The following GNPTG variants were observed in gnomAD, a reference collection of about 807,000 sequenced individuals.
GNPTG encodes N-acetylglucosamine-1-phosphotransferase subunit gamma.
A neutral mutation model predicts 43.8 loss-of-function variants in GNPTG; 46 were observed. That is an observed-to-expected ratio of 1.05 (90% CI 0.83 to 1.34). The LOEUF (loss-of-function observed/expected upper bound fraction) is 1.34, where lower values mean the gene tolerates loss of function less well. Among genes scored for constraint, GNPTG ranks in the 40% most tolerant of loss-of-function variants. GNPTG has a pLI of 0.00. For synonymous variants in GNPTG, 250 were observed against 172.8 expected (o/e 1.45, Z -3.50); for missense variants, 549 against 411.3 (o/e 1.33, Z -2.90).
rs368478807 is a variant in GNPTG at position 1,352,289 on chromosome 16, A to G, written c.161A>G (p.Asp54Gly). Reference sequence around the variant, plus strand: ...GCCAGTCGCCTCCAGGCCAAGAGGGATCCTTCACCCGTGTCTGGTGAGTGA... The same window carrying G: ...GCCAGTCGCCTCCAGGCCAAGAGGGGTCCTTCACCCGTGTCTGGTGAGTGA... Reference protein sequence around the residue: ...PQASRLQAKRDPSPVSGPVHL... With the variant: ...PQASRLQAKRGPSPVSGPVHL... Residue 54 changes from aspartate (D) to glycine (G), a missense_variant, in exon 3 of 11, where the codon GAT (aspartate) becomes GGT (glycine). Coordinates refer to ENST00000204679, the MANE Select transcript of GNPTG (RefSeq NM_032520.5). 2.7e-5 allele frequency: 42 copies of G among 1,548,232 alleles called. No homozygotes were observed. Among genetic ancestry groups the G allele is most frequent in the Non-Finnish European group, 3.4e-5 (39 of 1,146,786 alleles).
At position 1,363,604 on chromosome 16, in the gene GNPTG, G is replaced by T. The variant is rs1387634898; in HGVS notation, c.*513G>T. Reference sequence around the variant, plus strand: ...ACGCCCCGTGCCCGCCATGGCCACAGGGGGGAGCTGCTGGGCGCGCCTCCA... The same window carrying T: ...ACGCCCCGTGCCCGCCATGGCCACATGGGGGAGCTGCTGGGCGCGCCTCCA... On this transcript the variant is annotated 3_prime_UTR_variant, in exon 11 of 11. Coordinates refer to ENST00000204679, the MANE Select transcript of GNPTG (RefSeq NM_032520.5). 3 of 210,604 alleles carry T rather than the reference G, an allele frequency of 1.4e-5. No homozygotes were observed. Among genetic ancestry groups the T allele is most frequent in the Admixed American group, 5.3e-5 (1 of 18,700 alleles). 13.0% of individuals were successfully genotyped at this position (210,604 alleles called of 1,614,324 possible). A position where few individuals can be genotyped will look rare whatever the true frequency, so the allele number is the denominator to read the frequency against.
At position 1,352,276 on chromosome 16, in the gene GNPTG, C is replaced by T; in HGVS notation, c.148C>T (p.Gln50Ter). The T allele has an allele frequency of 1.3e-6, 2 of 1,548,460 alleles. No individual in the cohort carries two copies. The highest frequency in any genetic ancestry group is 1.7e-6 in the Non-Finnish European group (2 of 1,146,848). Residue 50 changes from glutamine (Q) to a stop codon, truncating the protein, a stop_gained, in exon 3 of 11, where the codon CAG becomes TAG. Coordinates refer to ENST00000204679, the MANE Select transcript of GNPTG (RefSeq NM_032520.5). LOFTEE classifies it high-confidence loss of function. ...GTTCTTGCCTCAGGCCAGTCGCCTC[C>T]AGGCCAAGAGGGATCCTTCACCCGT... is the stretch of plus-strand genomic sequence containing the variant. The part of the protein sequence containing the change: ...NPFLPQASRL[Q>*]AKRDPSPVSG...
intron 3 of GNPTG, 141 bp from the exon 4 acceptor site, chr16:1,361,602 C>A: frequency 1.2e-6 from 1 of 816,120 alleles, no homozygotes. Flanking sequence ...CAAGATCATG[C>A]CACTGCACTC....
At chr16:1,356,782 G>T (rs2034783500) in intron 3 of GNPTG, among the ~76,000 whole-genome samples, 1 of 152,206 alleles carries the variant, frequency 6.6e-6, no homozygotes. Context: ...TCTCCAAGCA[G>T]TGTCTGCCTG....
At chr16:1,356,209 C>T (rs2034771999) in intron 3 of GNPTG, among the ~76,000 whole-genome samples, 1 of 152,142 alleles carries the variant, frequency 6.6e-6, no homozygotes. Context: ...TGAGCTGTGG[C>T]CTCGGGTGCA....
intron 3 of GNPTG, among the ~76,000 whole-genome samples, chr16:1,353,292 T>G (rs375685389): frequency 6.6e-5 from 10 of 152,316 alleles, no homozygotes; most frequent in African/African-American, 2.4e-4. Context: ...AATTTTATTA[T>G]CGAATACCTT....
Position 1,352,135 on chromosome 16 carries a change from T to A in GNPTG, c.86T>A (p.Val29Glu). The change falls in exon 2 of 11, where the codon GTG (valine) becomes GAG (glutamate). Residue 29 changes from valine to glutamate, a missense_variant. Val to Glu is a moderately radical substitution (Grantham distance 121). Transcript: ENST00000204679. ...CCGGCAGGTGCAGCGAAGATGAAGGTGGTGGAGGAGCCCAACGCGTTTGGG... is the reference window on the plus strand; with the variant it reads ...CCGGCAGGTGCAGCGAAGATGAAGGAGGTGGAGGAGCCCAACGCGTTTGGG... ...PAPAGAAKMK[V>E]VEEPNAFGVN... The A allele has an allele frequency of 6.3e-7, 1 of 1,581,112 alleles. No individual in the cohort carries two copies. Among genetic ancestry groups the A allele is most frequent in the Non-Finnish European group, 8.6e-7 (1 of 1,165,494 alleles).
Position 1,351,943 on chromosome 16 carries a change from C to A in GNPTG, c.-23C>A, listed in dbSNP as rs1021014743. ...TCACGTGACCGTCACTTCACGTGAC[C>A]GCGCGGCGGCCGCTGCGGCGCGATG... On this transcript the variant is annotated 5_prime_UTR_variant, in exon 1 of 11. Coordinates refer to ENST00000204679, the MANE Select transcript of GNPTG (RefSeq NM_032520.5). 53 of 1,278,274 alleles carry A rather than the reference C, an allele frequency of 4.1e-5. No homozygotes were observed. Among genetic ancestry groups the A allele is most frequent in the Non-Finnish European group, 4.6e-5 (47 of 1,019,234 alleles). 79.2% of individuals were successfully genotyped at this position (1,278,274 alleles called of 1,614,324 possible).
chr16:1,359,677 C>T (rs1016735424), intron 3 of GNPTG, among the ~76,000 whole-genome samples: 7 of 152,126 alleles, frequency 4.6e-5, no homozygotes, highest in African/African-American at 7.2e-5. Context: ...AAGATTTGTT[C>T]GATGATTTGG....
rs2034885696 is a variant in GNPTG, at chr16:1,361,793, T to C, written c.229T>C (p.Ser77Pro). 1.2e-6 allele frequency: 2 copies of C among 1,600,968 alleles called. No individual in the cohort carries two copies. Among genetic ancestry groups the C allele is most frequent in the Admixed American group, 1.7e-5 (1 of 59,952 alleles). ...LSGKCFSLVE[S>P]TYKYEFCPFH... is the part of the protein sequence containing the mutation. ...GGGCAAGTGCTTCAGCCTGGTGGAG[T>C]CCACGTGAGTGCAGGGTGGGTGCGA... Residue 77 changes from serine (S) to proline (P), a missense_variant, in exon 4 of 11, where the codon TCC (serine) becomes CCC (proline). Coordinates refer to ENST00000204679, the MANE Select transcript of GNPTG (RefSeq NM_032520.5).
chr16:1,359,206 A>G (rs1326421369), intron 3 of GNPTG, among the ~76,000 whole-genome samples: 1 of 151,952 alleles, frequency 6.6e-6, no homozygotes, highest in Non-Finnish European at 1.5e-5. Context: ...AGTCTCTTAC[A>G]TACGTGGTTT....
chr16:1,357,385 C>A (rs568424067), intron 3 of GNPTG, among the ~76,000 whole-genome samples: 14 of 152,098 alleles, frequency 9.2e-5, no homozygotes, highest in Admixed American at 8.5e-4. Flanking sequence ...CCTCCGGGGG[C>A]GGGGGCCAGG....
intron 3 of GNPTG, chr16:1,359,044 G>C (rs2034826159): frequency 6.6e-6 from 1 of 151,980 alleles, no homozygotes; most frequent in Admixed American, 6.6e-5. Flanking sequence ...ATTTAGTAGA[G>C]ACGGGGTTTC....
Position 1,354,087 on chromosome 16 carries a change from T to C in GNPTG, c.178+1781T>C, listed in dbSNP as rs1456744779. Among the ~76,000 whole-genome samples the C allele has an allele frequency of 2.6e-5, 4 of 152,246 alleles. No homozygotes were observed. The East Asian group carries it at 7.7e-4, about 29-fold the overall frequency. Reference sequence around the variant, plus strand: ...CGTGATGGCGCACCTGGGGTTAGGCTCACTTCCCTGCGGCTCAGAAGCCAT... The same window carrying C: ...CGTGATGGCGCACCTGGGGTTAGGCCCACTTCCCTGCGGCTCAGAAGCCAT... On this transcript the variant is annotated intron_variant, in intron 3 of 10. Transcript: ENST00000204679.
At chr16:1,354,598 A>AAAAAAAAAAAAAC in intron 3 of GNPTG, among the ~76,000 whole-genome samples, 1 of 150,444 alleles carries the variant, frequency 6.6e-6, no homozygotes, top group Non-Finnish European at 1.5e-5. Flanking sequence ...AAAAAAAAAA[A>AAAAAAAAAAAAAC]AAAAAAAAAA....
chr16:1,357,541 G>A (rs2034800167), intron 3 of GNPTG, among the ~76,000 whole-genome samples: 1 of 150,010 alleles, frequency 6.7e-6, no homozygotes, highest in South Asian at 2.1e-4. Context: ...GCCCAGGCTG[G>A]AGTGCTGTGT....
chr16:1,354,609 A>AC (rs1043074542), intron 3 of GNPTG, among the ~76,000 whole-genome samples: 14 of 145,036 alleles, frequency 9.7e-5, no homozygotes, highest in Admixed American at 9.6e-4. Flanking sequence ...AAAAAAAAAA[A>AC]CCCATAAAAA....
Position 1,362,841 on chromosome 16 carries a change from C to G in GNPTG, c.758C>G (p.Ser253Ter), listed in dbSNP as rs761299690. The G allele has an allele frequency of 6.2e-7, 1 of 1,613,888 alleles. No individual in the cohort carries two copies. Among genetic ancestry groups the G allele is most frequent in the Non-Finnish European group, 8.5e-7 (1 of 1,179,996 alleles). The change falls in exon 10 of 11, where the codon TCA (serine) becomes TGA (stop). Residue 253 changes from serine to a stop codon, truncating the protein, a stop_gained. Coordinates refer to ENST00000204679, the MANE Select transcript of GNPTG (RefSeq NM_032520.5). LOFTEE classifies it high-confidence loss of function. Reference sequence around the variant, plus strand: ...GGTTGGTAGGCTCATAAAGAACTCTCAAAGGAGATCAAAAGGCTGAAAGGT... The same window carrying G: ...GGTTGGTAGGCTCATAAAGAACTCTGAAAGGAGATCAAAAGGCTGAAAGGT... ...ENCRKAHKEL[S>*]KEIKRLKGLL...
chr16:1,356,689 C>A (rs562467727), intron 3 of GNPTG, among the ~76,000 whole-genome samples: 32 of 152,318 alleles, frequency 2.1e-4, no homozygotes, highest in Middle Eastern at 3.4e-3. Context: ...AGGCCAGGCC[C>A]CGCTGCCCTC....
Sources: gnomAD v4.1 joint callset for allele counts (sites outside exome capture counted in the v4.1 genomes callset) on GRCh38, gnomAD v4.1.1 for gene constraint, MANE v1.5 for transcripts, NCBI Gene and HGNC (gene_info 2026-07-23, HGNC 2026-07-21) for gene names.